Variants in NEDD9 observed in about 807,000 individuals in gnomAD.
The protein encoded by NEDD9 is neural precursor cell expressed, developmentally down-regulated 9, also known as enhancer of filamentation 1.
In NEDD9, 26 loss-of-function variants were observed where a neutral mutation model predicts 76.6. The observed-to-expected ratio is 0.34, with a 90% CI of 0.25 to 0.47. The LOEUF (loss-of-function observed/expected upper bound fraction) is 0.47, where lower values mean the gene tolerates loss of function less well. Among genes scored for constraint, NEDD9 ranks in the 20% least tolerant of loss-of-function variants. The pLI, the probability that NEDD9 is intolerant of heterozygous loss-of-function variation, is 1.00. For missense variants in NEDD9, 937 were observed against 1,058.5 expected, an observed-to-expected ratio of 0.89 and a Z score of 1.59; for synonymous variants, 392 against 414.2, an observed-to-expected ratio of 0.95 and a Z score of 0.65.
rs778520022 is a variant in NEDD9, at chr6:11,213,738, A to G, written c.13-11T>C. ...CCTTGCCATAAGATTCTAGGAGGGA[A>G]GGAAGAGAAGGAAACCGTGTTAGAA... On this transcript the variant is annotated splice_polypyrimidine_tract_variant and intron_variant, in intron 1 of 6. Coordinates refer to ENST00000379446, the MANE Select transcript of NEDD9 (RefSeq NM_006403.4). The surrounding 1 kb of genome is among the most constrained non-coding windows in gnomAD (Gnocchi z 5.4). 5 of 1,611,734 alleles carry G rather than the reference A, an allele frequency of 3.1e-6. No individual in the cohort carries two copies. Among genetic ancestry groups the G allele is most frequent in the Non-Finnish European group, 4.2e-6 (5 of 1,178,338 alleles).
At chr6:11,264,670 G>C (rs1760173136) in intron 3 of NEDD9, among the ~76,000 whole-genome samples, 1 of 152,090 alleles carries the variant, frequency 6.6e-6, no homozygotes, top group Non-Finnish European at 1.5e-5. Context: ...AATTTGGGGA[G>C]TAAGGCTGAA....
chr6:11,282,744 C>G (rs927151086), intron 3 of NEDD9, among the ~76,000 whole-genome samples: 1 of 152,190 alleles, frequency 6.6e-6, no homozygotes, highest in Non-Finnish European at 1.5e-5. Context: ...TTCATCTAAG[C>G]CACCAATATC....
At chr6:11,329,456 A>G (rs1761990102) in intron 2 of NEDD9, among the ~76,000 whole-genome samples, 2 of 152,170 alleles carry the variant, frequency 1.3e-5, no homozygotes, top group Admixed American at 6.5e-5. Context: ...GCTTCCCTGC[A>G]GTTCTTTAGG....
chr6:11,347,322 A>G (rs1302327644), intron 1 of NEDD9, among the ~76,000 whole-genome samples: 1 of 152,208 alleles, frequency 6.6e-6, no homozygotes, highest in Admixed American at 6.5e-5. Context: ...CAAGGACCAG[A>G]TGGATTCACA....
At chr6:11,205,126 A>G (rs909991228) in intron 2 of NEDD9, among the ~76,000 whole-genome samples, 5 of 152,222 alleles carry the variant, frequency 3.3e-5, no homozygotes, top group African/African-American at 1.2e-4. Context: ...AGTCAGACAG[A>G]CGTGGGCTCA....
At chr6:11,230,306 G>T (rs142512357) in intron 1 of NEDD9, among the ~76,000 whole-genome samples, 1 of 152,202 alleles carries the variant, frequency 6.6e-6, no homozygotes, top group Admixed American at 6.5e-5. Context: ...CTTAATAGTG[G>T]TTAAAGTCAT....
intron 3 of NEDD9, among the ~76,000 whole-genome samples, chr6:11,278,112 C>CT (rs1760453081): frequency 6.6e-6 from 1 of 152,180 alleles, no homozygotes; most frequent in Non-Finnish European, 1.5e-5. Context: ...TCCCTGGGAT[C>CT]TCATAACACA....
At chr6:11,284,067 C>T (rs142752121) in intron 3 of NEDD9, among the ~76,000 whole-genome samples, 2,645 of 152,214 alleles carry the variant, frequency 0.017, 73 homozygotes, top group African/African-American at 0.059. Context: ...AAATATAATT[C>T]ATACAATCTC....
intron 2 of NEDD9, among the ~76,000 whole-genome samples, chr6:11,209,992 T>A (rs1581958147): frequency 6.6e-6 from 1 of 151,614 alleles, no homozygotes. Flanking sequence ...CTTAAGTGAT[T>A]CATTAGTAGA....
intron 1 of NEDD9, among the ~76,000 whole-genome samples, chr6:11,225,315 G>C (rs1202155377): frequency 2.0e-5 from 3 of 152,130 alleles, no homozygotes; most frequent in Non-Finnish European, 2.9e-5. Flanking sequence ...AGACATATCA[G>C]GGGGAATTCT....
At chr6:11,243,926 A>G (rs886974339) in intron 3 of NEDD9, among the ~76,000 whole-genome samples, 2 of 152,194 alleles carry the variant, frequency 1.3e-5, no homozygotes, top group East Asian at 1.9e-4. Context: ...GTCAACCTGG[A>G]TAGGCCATGC....
At chr6:11,193,556 C>T (rs754745218) in intron 3 of NEDD9, 35 bp downstream of exon 3, 146 of 1,510,922 alleles carry the variant, frequency 9.7e-5, no homozygotes, top group South Asian at 1.2e-4. Flanking sequence ...CCCTTAGAAG[C>T]GCTTCTCCTC....
Position 11,314,565 on chromosome 6 carries a change from G to C in NEDD9, c.-152-8410C>G, listed in dbSNP as rs1388325834. ...TTTATGCCCCCTCAAAACAGCCTAGGTTCCTGATTTCCTGGCTAATCCACT... is the reference window on the plus strand; with the variant it reads ...TTTATGCCCCCTCAAAACAGCCTAGCTTCCTGATTTCCTGGCTAATCCACT... On this transcript the variant is annotated intron_variant, in intron 2 of 3. Transcript: ENST00000397378. Among the ~76,000 whole-genome samples the C allele has an allele frequency of 3.9e-5, 6 of 152,314 alleles. No homozygotes were observed. The South Asian group carries it at 8.3e-4, about 21-fold the overall frequency.
In NEDD9 at chr6:11,190,138, C is replaced by T. The variant is rs565770462; in HGVS notation, c.1731G>A (p.Thr577=). 4.2e-5 allele frequency: 67 copies of T among 1,613,848 alleles called. No homozygotes were observed. The South Asian group carries it at 5.9e-4, about 14-fold the overall frequency. Residue 577 remains threonine, a synonymous_variant, in exon 5 of 7, where the codon ACG becomes ACA. Transcript: ENST00000379446. This position sits in a 1 kb window ranked among gnomAD's most constrained non-coding sequence, Gnocchi z 5.8. ...KNGPESIMNS[T]EYPHGGSQGQ... ...CCTGGGAGCCACCGTGTGGGTACTC[C>T]GTTGAGTTCATGATGCTCTCCGGCC...
intron 3 of NEDD9, among the ~76,000 whole-genome samples, chr6:11,289,332 A>G (rs1760714276): frequency 6.6e-6 from 1 of 152,242 alleles, no homozygotes; most frequent in African/African-American, 2.4e-5. Flanking sequence ...AAATTAAGTA[A>G]TATAATTCTG....
At chr6:11,195,104 C>T (rs1314986745) in intron 2 of NEDD9, among the ~76,000 whole-genome samples, 5 of 152,204 alleles carry the variant, frequency 3.3e-5, no homozygotes, top group Admixed American at 2.0e-4. Context: ...GAAAAATGCT[C>T]CACGTCCATC....
chr6:11,249,103 G>A (rs1241952150), intron 3 of NEDD9: 1 of 455,906 alleles, frequency 2.2e-6, no homozygotes, highest in East Asian at 6.9e-5. Flanking sequence ...CATTATTTTG[G>A]ATGTTTCTGC....
chr6:11,216,127 C>A (rs1485635095), intron 1 of NEDD9, among the ~76,000 whole-genome samples: 4 of 152,190 alleles, frequency 2.6e-5, no homozygotes, highest in African/African-American at 9.7e-5. Context: ...AATGTGGGCA[C>A]CGCAGGTGAG....
chr6:11,249,927 G>A (rs1226473628), intron 3 of NEDD9, among the ~76,000 whole-genome samples: 1 of 152,166 alleles, frequency 6.6e-6, no homozygotes, highest in Non-Finnish European at 1.5e-5. Context: ...GGAGATCATG[G>A]TCAAGGGGCC....
Sources: gnomAD v4.1 joint callset for allele counts (sites outside exome capture counted in the v4.1 genomes callset) on GRCh38, gnomAD v4.1.1 for gene constraint, Gnocchi (gnomAD v3.1) non-coding constraint, MANE v1.5 for transcripts, NCBI Gene and HGNC (gene_info 2026-07-23, HGNC 2026-07-21) for gene names.